Variants in SLC9D1 observed in about 807,000 individuals in gnomAD.
SLC9D1 encodes the protein putative LAG1-interacting protein.
At chr13:113,549,672 G>A in the SLC9D1 span, 21 of 1,018,142 alleles carry the variant, frequency 2.1e-5, no homozygotes, top group Middle Eastern at 2.0e-4. Context: ...CAGTGCAGTC[G>A]TGTTATCCCG....
the SLC9D1 span, among the ~76,000 whole-genome samples, chr13:113,519,575 G>T: frequency 2.0e-5 from 3 of 152,290 alleles, 1 homozygote; most frequent in South Asian, 6.2e-4. Flanking sequence ...GGCTACTACT[G>T]TTCTGCCCTC....
chr13:113,539,409 C>T, the SLC9D1 span: 34 of 1,613,404 alleles, frequency 2.1e-5, no homozygotes, highest in African/African-American at 8.0e-5. This position sits in a 1 kb window ranked among gnomAD's most constrained non-coding sequence, Gnocchi z 4.8. Flanking sequence ...CTGGCTGGAG[C>T]GCTCGTCTCC....
chr13:113,536,130 C>T, the SLC9D1 span, among the ~76,000 whole-genome samples: 1 of 152,198 alleles, frequency 6.6e-6, no homozygotes. Context: ...GTAATCGCAG[C>T]ACTTTGGGAG....
At chr13:113,504,567 A>G in the SLC9D1 span, 2 of 152,214 alleles carry the variant, frequency 1.3e-5, no homozygotes, top group African/African-American at 4.8e-5. Flanking sequence ...GCTCCCGCTT[A>G]GGAGTGAGAT....
At chr13:113,515,167 A>C in the SLC9D1 span, among the ~76,000 whole-genome samples, 1 of 152,256 alleles carries the variant, frequency 6.6e-6, no homozygotes, top group Non-Finnish European at 1.5e-5. Flanking sequence ...TATCCTAGAA[A>C]ATTCTTGCAA....
the SLC9D1 span, among the ~76,000 whole-genome samples, chr13:113,543,169 C>A: frequency 4.5e-5 from 2 of 44,724 alleles, no homozygotes; most frequent in Non-Finnish European, 7.7e-5. Context: ...TACCTCTGTC[C>A]GGACCCCACC....
At chr13:113,514,677 T>C in the SLC9D1 span, among the ~76,000 whole-genome samples, 1 of 149,860 alleles carries the variant, frequency 6.7e-6, no homozygotes, top group Non-Finnish European at 1.5e-5. Context: ...GTATTCGGGG[T>C]GCAGGCTGAT....
chr13:113,503,495 G>A, the SLC9D1 span: 9 of 1,607,000 alleles, frequency 5.6e-6, no homozygotes, highest in Middle Eastern at 1.7e-4. Context: ...GTGTTTTTCA[G>A]TCTATTGTGC....
the SLC9D1 span, among the ~76,000 whole-genome samples, chr13:113,526,965 C>T: frequency 7.2e-5 from 11 of 152,244 alleles, no homozygotes; most frequent in African/African-American, 2.2e-4. Context: ...AGTGCAGTCA[C>T]GTGCTGTGCA....
At chr13:113,507,855 C>T in the SLC9D1 span, among the ~76,000 whole-genome samples, 384 of 152,318 alleles carry the variant, frequency 2.5e-3, 2 homozygotes, top group African/African-American at 8.8e-3. Context: ...GCCTACCCTG[C>T]GGCTTGTATT....
the SLC9D1 span, among the ~76,000 whole-genome samples, chr13:113,507,425 G>T: frequency 6.6e-6 from 1 of 152,168 alleles, no homozygotes; most frequent in Admixed American, 6.5e-5. Context: ...CTCCTGCCAC[G>T]TGGGTTAGCT....
At chr13:113,519,127 T>G in the SLC9D1 span, among the ~76,000 whole-genome samples, 1 of 148,448 alleles carries the variant, frequency 6.7e-6, no homozygotes, top group Non-Finnish European at 1.5e-5. Flanking sequence ...CACTGTAACC[T>G]CCGCCTCCTG....
chr13:113,503,513 G>A, the SLC9D1 span: 4 of 1,612,880 alleles, frequency 2.5e-6, no homozygotes, highest in Non-Finnish European at 3.4e-6. Context: ...TGCAAGTGGA[G>A]ACATTAGGAG....
the SLC9D1 span, chr13:113,500,244 TC>T: frequency 2.8e-6 from 2 of 714,964 alleles, no homozygotes; most frequent in Non-Finnish European, 4.2e-6. Context: ...GGCACAGCCT[TC>T]CTTCTAGCAG....
chr13:113,503,800 T>G, the SLC9D1 span: 1 of 544,970 alleles, frequency 1.8e-6, no homozygotes, highest in East Asian at 3.0e-5. Flanking sequence ...AATTGGAATT[T>G]GCCTTCACAT....
chr13:113,521,149 G>A, the SLC9D1 span, among the ~76,000 whole-genome samples: 3 of 152,000 alleles, frequency 2.0e-5, no homozygotes, highest in Non-Finnish European at 4.4e-5. Flanking sequence ...GGGTATATCT[G>A]TGTGCTTACG....
At chr13:113,530,844 T>C in the SLC9D1 span, among the ~76,000 whole-genome samples, 1 of 152,168 alleles carries the variant, frequency 6.6e-6, no homozygotes, top group Non-Finnish European at 1.5e-5. Flanking sequence ...ATAACTGAGT[T>C]TGAAAACAGG....
chr13:113,510,124 C>A, the SLC9D1 span: 1 of 979,944 alleles, frequency 1.0e-6, no homozygotes, highest in Non-Finnish European at 1.6e-6. Flanking sequence ...AGCGTTGCTT[C>A]ACAAAAGCTC....
the SLC9D1 span, among the ~76,000 whole-genome samples, chr13:113,546,766 C>T: frequency 4.0e-5 from 6 of 151,490 alleles, no homozygotes; most frequent in Non-Finnish European, 7.3e-5. The surrounding 1 kb of genome is among the most constrained non-coding windows in gnomAD (Gnocchi z 7.1). Flanking sequence ...CTGCGTCACT[C>T]GGCAGCACAG....
Sources: allele counts gnomAD v4.1 joint callset (sites outside exome capture counted in the v4.1 genomes callset), GRCh38; gene constraint gnomAD v4.1.1; non-coding constraint Gnocchi (gnomAD v3.1); transcripts MANE v1.5; gene names NCBI Gene and HGNC (gene_info 2026-07-23, HGNC 2026-07-21).